Variants in NDUFA11 observed in about 807,000 individuals in gnomAD.
NDUFA11 encodes NADH dehydrogenase [ubiquinone] 1 alpha subcomplex subunit 11.
A neutral mutation model predicts 11.3 loss-of-function variants in NDUFA11; 14 were observed. That is an observed-to-expected ratio of 1.24 (90% CI 0.82 to 1.94). The LOEUF (loss-of-function observed/expected upper bound fraction) is 1.94. NDUFA11 is among the 30% of genes most tolerant of loss of function. The probability of loss-of-function intolerance (pLI) is 0.00; values close to 1 mark genes in which losing one functional copy is unlikely to be tolerated. For synonymous variants in NDUFA11, 87 were observed against 85.6 expected (o/e 1.02, Z -0.09); for missense variants, 204 against 200.3 (o/e 1.02, Z -0.11).
Position 5,896,688 on chromosome 19 carries a change from G to T in NDUFA11, c.191-113C>A. ...AGATGCCACGAGTCGGCTGCTCGCT[G>T]TGCATGGCAGCCTCCTGGCCCCAGT... On this transcript the variant is annotated intron_variant, in intron 2 of 3. Transcript: ENST00000308961. This position sits in a 1 kb window ranked among gnomAD's most constrained non-coding sequence, Gnocchi z 5.8. The T allele has an allele frequency of 6.8e-7, 1 of 1,462,072 alleles. No homozygotes were observed. The highest frequency in any genetic ancestry group is 9.3e-7 in the Non-Finnish European group (1 of 1,070,026). The allele number at this position is 1,462,072 out of a possible 1,614,324, so 90.6% of individuals were successfully genotyped here.
downstream of NDUFA11, chr19:5,892,776 C>T (rs569949336): frequency 1.1e-4 from 122 of 1,145,984 alleles, no homozygotes; most frequent in South Asian, 1.1e-3. Context: ...ATGCGATGCC[C>T]GTGAGTGGAT....
rs1036932046 is a variant in NDUFA11 at position 5,899,195 on chromosome 19, G to A, written c.98-2198C>T. On this transcript the variant is annotated intron_variant, in intron 1 of 3. Transcript: ENST00000308961. The stretch of plus-strand genomic sequence containing the variant: ...GATAGAGTCTCGCTCTGTCGCCCAG[G>A]CTGGAGTGCAGTGGCGCTATCTCGG... 4.0e-5 allele frequency among the ~76,000 whole-genome samples: 6 copies of A among 150,278 alleles called. No homozygotes were observed. The Admixed American group carries it at 4.0e-4, about 10-fold the overall frequency.
downstream of NDUFA11, chr19:5,893,161 G>A (rs971192805): frequency 1.3e-4 from 203 of 1,535,978 alleles, no homozygotes; most frequent in Non-Finnish European, 1.7e-4. This position sits in a 1 kb window ranked among gnomAD's most constrained non-coding sequence, Gnocchi z 4.1. Flanking sequence ...GGCGCTGGAA[G>A]AAGGGACCCA....
intron 1 of NDUFA11, among the ~76,000 whole-genome samples, chr19:5,899,369 T>C (rs1477383340): frequency 2.7e-5 from 4 of 150,360 alleles, no homozygotes; most frequent in Non-Finnish European, 5.9e-5. Flanking sequence ...CAGGATGGTC[T>C]CCATCTCCTG....
chr19:5,893,187 G>A, downstream of NDUFA11: 1 of 1,536,128 alleles, frequency 6.5e-7, no homozygotes, highest in Non-Finnish European at 8.7e-7. The surrounding 1 kb of genome is among the most constrained non-coding windows in gnomAD (Gnocchi z 4.1). Flanking sequence ...TCTGTACACA[G>A]TGGCTCATGC....
intron 1 of NDUFA11, among the ~76,000 whole-genome samples, chr19:5,898,592 G>A (rs2057624749): frequency 6.6e-6 from 1 of 152,154 alleles, no homozygotes; most frequent in African/African-American, 2.4e-5. Context: ...GTGGATGGAG[G>A]ACCAGGCGCA....
intron 1 of NDUFA11, among the ~76,000 whole-genome samples, chr19:5,899,351 G>A (rs1343516218): frequency 2.0e-5 from 3 of 149,976 alleles, no homozygotes; most frequent in African/African-American, 2.5e-5. Context: ...GGGTTTCACC[G>A]TGTTAGCCAG....
Position 5,896,293 on chromosome 19 carries a change from G to A in NDUFA11, c.313+160C>T, listed in dbSNP as rs2057607762. 1 of 845,098 alleles carries A rather than the reference G, an allele frequency of 1.2e-6. No homozygotes were observed. Among genetic ancestry groups the A allele is most frequent in the East Asian group, 2.7e-5 (1 of 37,458 alleles). 52.3% of individuals were successfully genotyped at this position (845,098 alleles called of 1,614,324 possible). On this transcript the variant is annotated intron_variant, in intron 3 of 3. Transcript: ENST00000308961. This position sits in a 1 kb window ranked among gnomAD's most constrained non-coding sequence, Gnocchi z 5.8. The stretch of plus-strand genomic sequence containing the variant: ...AGGGAGGGCCACAGTAGGTGCTTAA[G>A]CAGCAGCAGCAGCTGTCGCTATGAC...
In NDUFA11 at chr19:5,903,635, G is replaced by C. The variant is rs2057659842; in HGVS notation, c.74C>G (p.Thr25Ser). Residue 25 changes from threonine (T) to serine (S), a missense_variant, in exon 1 of 4, where the codon ACC (threonine) becomes AGC (serine). Transcript: ENST00000308961. ...GTDCHRKAYS[T>S]TSIASVAGLT... Reference sequence around the variant, plus strand: ...ACCAGCGACGCTGGCAATACTGGTGGTGCTGTAGGCTTTGCGGTGGCAATC... The same window carrying C: ...ACCAGCGACGCTGGCAATACTGGTGCTGCTGTAGGCTTTGCGGTGGCAATC... The C allele has an allele frequency of 3.2e-6, 5 of 1,551,190 alleles. No homozygotes were observed. The highest frequency in any genetic ancestry group is 4.4e-6 in the Non-Finnish European group (5 of 1,146,932).
chr19:5,892,117 G>C (rs2057581527), downstream of NDUFA11: 1 of 152,494 alleles, frequency 6.6e-6, no homozygotes, highest in Admixed American at 6.5e-5. Context: ...CAGGCGAGGT[G>C]GGGGCGCCTG....
chr19:5,903,733 A>T lies in NDUFA11; in HGVS notation c.-25T>A. The T allele has an allele frequency of 6.5e-7, 1 of 1,549,806 alleles. No individual in the cohort carries two copies. The highest frequency in any genetic ancestry group is 8.7e-7 in the Non-Finnish European group (1 of 1,145,720). On this transcript the variant is annotated 5_prime_UTR_variant, in exon 1 of 4. Coordinates refer to ENST00000308961, the MANE Select transcript of NDUFA11 (RefSeq NM_175614.5). ...TAGCCCGCAATCTCGATCCCGCACC[A>T]CGGACCCCGCCAGCTCGGGAAGCGC...
chr19:5,896,738 C>T lies in NDUFA11; in HGVS notation c.191-163G>A. On this transcript the variant is annotated intron_variant, in intron 2 of 3. Transcript: ENST00000308961. This position sits in a 1 kb window ranked among gnomAD's most constrained non-coding sequence, Gnocchi z 5.8. ...TCCTGGAGCTGTTCTCCTGGGCCTC[C>T]CCACCCTACATGTATTCCTGATAAA... 2.5e-6 allele frequency: 3 copies of T among 1,218,808 alleles called. No individual in the cohort carries two copies. The highest frequency in any genetic ancestry group is 3.6e-6 in the Non-Finnish European group (3 of 840,976). The allele number at this position is 1,218,808 out of a possible 1,614,324, so 75.5% of individuals were successfully genotyped here. A position where few individuals can be genotyped will look rare whatever the true frequency, so the allele number is the denominator to read the frequency against.
intron 1 of NDUFA11, among the ~76,000 whole-genome samples, chr19:5,898,879 A>G (rs2057626542): frequency 9.8e-6 from 1 of 101,612 alleles, no homozygotes; most frequent in Admixed American, 9.2e-5. Flanking sequence ...GTCTCAAAAT[A>G]AAAAAAAAAA....
intron 3 of NDUFA11, chr19:5,895,151 G>A (rs2057599879): frequency 2.3e-6 from 1 of 429,082 alleles, no homozygotes; most frequent in African/African-American, 2.0e-5. Context: ...CTGGGGCTGG[G>A]GCAAGGCTGG....
chr19:5,893,180 G>C (rs2057588294), downstream of NDUFA11: 1 of 1,536,088 alleles, frequency 6.5e-7, no homozygotes, highest in Non-Finnish European at 8.7e-7. The surrounding 1 kb of genome is among the most constrained non-coding windows in gnomAD (Gnocchi z 4.1). Context: ...CAGAATCTCT[G>C]TACACAGTGG....
intron 1 of NDUFA11, among the ~76,000 whole-genome samples, chr19:5,897,594 C>T (rs1275342275): frequency 6.6e-6 from 1 of 152,208 alleles, no homozygotes; most frequent in Non-Finnish European, 1.5e-5. Flanking sequence ...GGCCTGGGCT[C>T]GTCCTGCACA....
downstream of NDUFA11, among the ~76,000 whole-genome samples, chr19:5,893,838 T>C (rs1036891801): frequency 1.3e-5 from 2 of 152,160 alleles, no homozygotes; most frequent in African/African-American, 2.4e-5. This position sits in a 1 kb window ranked among gnomAD's most constrained non-coding sequence, Gnocchi z 4.1. Context: ...AGGAGGGCCA[T>C]AGCCAGCCCT....
chr19:5,903,561 G>T, intron 1 of NDUFA11, 51 bp downstream of exon 1: 1 of 1,511,034 alleles, frequency 6.6e-7, no homozygotes, highest in South Asian at 1.2e-5. Context: ...GTAACCCCAC[G>T]ACCTCCCTGC....
intron 1 of NDUFA11, chr19:5,901,559 G>A (rs1301079214): frequency 1.0e-6 from 1 of 974,494 alleles, no homozygotes; most frequent in African/African-American, 1.7e-5. Flanking sequence ...TCCCAATGGA[G>A]CCGCAACTTT....
Sources: allele counts gnomAD v4.1 joint callset (sites outside exome capture counted in the v4.1 genomes callset), GRCh38; gene constraint gnomAD v4.1.1; non-coding constraint Gnocchi (gnomAD v3.1); transcripts MANE v1.5; gene names NCBI Gene and HGNC (gene_info 2026-07-23, HGNC 2026-07-21).